Variants in RB1CC1 observed in about 807,000 individuals in gnomAD.
The protein encoded by RB1CC1 is RB1 inducible coiled-coil 1.
A neutral mutation model predicts 177.5 loss-of-function variants in RB1CC1; 46 were observed. That is an observed-to-expected ratio of 0.26 (90% CI 0.20 to 0.33). RB1CC1 has a LOEUF of 0.33. Ranked by LOEUF, RB1CC1 falls within the 10% of genes least tolerant of loss-of-function variation. The pLI is 1.00. For synonymous variants in RB1CC1, 666 were observed against 613.6 expected, an observed-to-expected ratio of 1.09 and a Z score of -1.26; for missense variants, 1,703 against 1,816.3, an observed-to-expected ratio of 0.94 and a Z score of 1.13.
chr8:52,708,916 T>A (rs1485282319), intron 1 of RB1CC1, among the ~76,000 whole-genome samples: 1 of 152,152 alleles, frequency 6.6e-6, no homozygotes, highest in African/African-American at 2.4e-5. Context: ...TTTCTAATCA[T>A]CTTTTCTCTC....
At chr8:52,666,833 T>C (rs994304295) in intron 8 of RB1CC1, among the ~76,000 whole-genome samples, 2 of 151,632 alleles carry the variant, frequency 1.3e-5, no homozygotes, top group Non-Finnish European at 2.9e-5. Context: ...GAAGCACAGA[T>C]AGATAAAAAG....
chr8:52,707,137 A>G (rs1388220456), intron 1 of RB1CC1, among the ~76,000 whole-genome samples: 1 of 152,250 alleles, frequency 6.6e-6, no homozygotes, highest in African/African-American at 2.4e-5. Context: ...GGTTGTGGTC[A>G]GGATCTAACG....
chr8:52,625,700 T>C (rs1208522304), intron 22 of RB1CC1, among the ~76,000 whole-genome samples: 1 of 152,164 alleles, frequency 6.6e-6, no homozygotes. Flanking sequence ...AAAAAGCATA[T>C]TTTAAAGTGT....
chr8:52,665,775 G>T (rs1372910668), intron 8 of RB1CC1, among the ~76,000 whole-genome samples: 1 of 152,130 alleles, frequency 6.6e-6, no homozygotes, highest in Admixed American at 6.5e-5. Context: ...CCAAGAGAGA[G>T]AAATTAGGTG....
intron 15 of RB1CC1, 74 bp from the exon 16 acceptor site, chr8:52,645,941 G>C: frequency 2.2e-6 from 3 of 1,360,296 alleles, no homozygotes; most frequent in Non-Finnish European, 3.0e-6. Flanking sequence ...TCATATTTGG[G>C]AAATTTATCT....
chr8:52,627,975 T>C (rs939301085), intron 22 of RB1CC1, 57 bp downstream of exon 22: 2 of 1,429,316 alleles, frequency 1.4e-6, no homozygotes, highest in East Asian at 2.6e-5. Flanking sequence ...AAAAAATCTT[T>C]ACTTATATAA....
At chr8:52,624,941 C>T (rs530728498) in intron 22 of RB1CC1, among the ~76,000 whole-genome samples, 154 bp from the exon 23 acceptor site, 1 of 152,084 alleles carries the variant, frequency 6.6e-6, no homozygotes, top group African/African-American at 2.4e-5. Context: ...AAATGCTTAA[C>T]AATTTACAAA....
intron 18 of RB1CC1, 102 bp from the exon 19 acceptor site, chr8:52,636,171 A>G: frequency 7.7e-7 from 1 of 1,304,980 alleles, no homozygotes; most frequent in Non-Finnish European, 1.0e-6. Context: ...TAACAATTTA[A>G]GGGTTTTCAT....
At chr8:52,630,421 T>C in intron 21 of RB1CC1, 49 bp downstream of exon 21, 1 of 1,518,008 alleles carries the variant, frequency 6.6e-7, no homozygotes, top group South Asian at 1.3e-5. Flanking sequence ...CATTAACAAT[T>C]CAGTGAATGT....
chr8:52,655,865 TA>T, intron 15 of RB1CC1, 142 bp downstream of exon 15: 1 of 610,156 alleles, frequency 1.6e-6, no homozygotes, highest in Non-Finnish European at 2.7e-6. Context: ...AAACACTGAC[TA>T]AAAAGTAAGT....
At chr8:52,658,618 T>A (rs1484311082) in intron 13 of RB1CC1, among the ~76,000 whole-genome samples, 1 of 150,604 alleles carries the variant, frequency 6.6e-6, no homozygotes, top group African/African-American at 2.4e-5. Context: ...AGTCAGAAAT[T>A]TCCCAACAGC....
intron 2 of RB1CC1, among the ~76,000 whole-genome samples, chr8:52,686,565 A>C (rs897448147): frequency 6.6e-6 from 1 of 152,190 alleles, no homozygotes; most frequent in African/African-American, 2.4e-5. Flanking sequence ...AGAGAAAGAA[A>C]AAAAACTTAA....
chr8:52,631,361 C>T (rs1848742007), intron 20 of RB1CC1, among the ~76,000 whole-genome samples: 2 of 152,230 alleles, frequency 1.3e-5, no homozygotes, highest in South Asian at 4.1e-4. Context: ...CCCAGCTACT[C>T]GGAAGTCTGA....
intron 1 of RB1CC1, among the ~76,000 whole-genome samples, chr8:52,700,115 C>A (rs762010733): frequency 1.3e-5 from 2 of 151,898 alleles, no homozygotes; most frequent in Non-Finnish European, 2.9e-5. Context: ...TTAATTTTTC[C>A]CTCTACCTAT....
chr8:52,654,997 CT>C (rs766107390), intron 15 of RB1CC1, among the ~76,000 whole-genome samples: 28 of 152,186 alleles, frequency 1.8e-4, no homozygotes, highest in Non-Finnish European at 3.4e-4. Context: ...TGAATATAAT[CT>C]GTTTTTACTG....
At chr8:52,634,102 G>A (rs1192624717) in intron 20 of RB1CC1, among the ~76,000 whole-genome samples, 4 of 152,068 alleles carry the variant, frequency 2.6e-5, no homozygotes, top group African/African-American at 9.7e-5. Flanking sequence ...GGGCAACAGA[G>A]AGAGACCTTG....
intron 18 of RB1CC1, among the ~76,000 whole-genome samples, chr8:52,641,594 TATG>T (rs1434930908): frequency 2.6e-5 from 4 of 152,030 alleles, no homozygotes; most frequent in Non-Finnish European, 4.4e-5. Context: ...ACGCTGATTC[TATG>T]ATATCTTTTG....
At chr8:52,695,049 A>G (rs1255735928) in intron 1 of RB1CC1, among the ~76,000 whole-genome samples, 1 of 152,234 alleles carries the variant, frequency 6.6e-6, no homozygotes, top group Non-Finnish European at 1.5e-5. Context: ...TGAGTAGGTT[A>G]TCAAGTGGTT....
In RB1CC1 at chr8:52,714,266, G is replaced by C. The variant is rs548215820; in HGVS notation, c.-358C>G. On this transcript the variant is annotated 5_prime_UTR_variant, in exon 1 of 24. Transcript: ENST00000025008. ...CTCTAGGAGGCAGGGAGGGGTCCGG[G>C]CGGACAAGGACGCGAGCAGGCCCCT... The C allele has an allele frequency of 5.0e-6, 1 of 201,730 alleles. No homozygotes were observed. Among genetic ancestry groups the C allele is most frequent in the African/African-American group, 2.4e-5 (1 of 41,810 alleles). 12.5% of individuals were successfully genotyped at this position (201,730 alleles called of 1,614,324 possible).
Sources: gnomAD v4.1 joint callset for allele counts (sites outside exome capture counted in the v4.1 genomes callset) on GRCh38, gnomAD v4.1.1 for gene constraint, MANE v1.5 for transcripts, NCBI Gene and HGNC (gene_info 2026-07-23, HGNC 2026-07-21) for gene names.